The following RANBP2 variants were observed in gnomAD, a reference collection of about 807,000 sequenced individuals.
RANBP2 encodes the protein E3 SUMO-protein ligase RanBP2.
Under a neutral mutation model 303.6 loss-of-function variants are expected in RANBP2, and 57 were observed. The observed-to-expected ratio is 0.19, with a 90% CI of 0.15 to 0.23. The LOEUF is 0.23. RANBP2 is among the 10% of genes least tolerant of loss of function. The pLI is 1.00. For missense variants in RANBP2, 3,138 were observed against 3,780.8 expected, an observed-to-expected ratio of 0.83 and a Z score of 4.46; for synonymous variants, 1,167 against 1,301.5, an observed-to-expected ratio of 0.90 and a Z score of 2.23.
chr2:108,832,188 C>T, the RANBP2 span, among the ~76,000 whole-genome samples: 6 of 151,778 alleles, frequency 4.0e-5, no homozygotes, highest in South Asian at 1.2e-3. Context: ...CGCCATCACA[C>T]CTGGCTAATT....
At chr2:108,724,257 G>C (rs1694517854) in intron 1 of RANBP2, among the ~76,000 whole-genome samples, 1 of 152,098 alleles carries the variant, frequency 6.6e-6, no homozygotes, top group African/African-American at 2.4e-5. Context: ...CCGCCTCCCG[G>C]GTTCAAGCGA....
the RANBP2 span, among the ~76,000 whole-genome samples, chr2:109,234,181 C>T: frequency 6.6e-6 from 1 of 152,120 alleles, no homozygotes; most frequent in African/African-American, 2.4e-5. Flanking sequence ...GTATTTTAAT[C>T]AATAATAGGC....
At chr2:109,707,849 A>G in the RANBP2 span, among the ~76,000 whole-genome samples, 1 of 152,236 alleles carries the variant, frequency 6.6e-6, no homozygotes, top group Non-Finnish European at 1.5e-5. Context: ...GATGTAAATA[A>G]AAAAATGCAG....
In RANBP2 at chr2:108,748,314, TCTC is replaced by T. The variant is rs1195446278; in HGVS notation, c.1064-601_1064-599del. 2.0e-5 allele frequency among the ~76,000 whole-genome samples: 3 copies of T among 151,610 alleles called. No homozygotes were observed. In the South Asian group the frequency reaches 6.3e-4, roughly 32 times the overall value. ...GCTCCACCTCCTGGGTTCATGCCAT[TCTC>T]CTCCCTCAGCCTCCCCAGTAGCTGG... On this transcript the variant is annotated intron_variant, in intron 8 of 28. Transcript: ENST00000283195.
the RANBP2 span, among the ~76,000 whole-genome samples, chr2:109,331,899 C>T: frequency 6.6e-6 from 1 of 152,188 alleles, no homozygotes; most frequent in Non-Finnish European, 1.5e-5. Flanking sequence ...AGCTGCAGTC[C>T]ACTGCCTCTC....
At chr2:108,846,316 A>G in the RANBP2 span, among the ~76,000 whole-genome samples, 23 of 152,344 alleles carry the variant, frequency 1.5e-4, no homozygotes, top group African/African-American at 5.1e-4. Flanking sequence ...CCAATTTTAC[A>G]TATTTTCAAC....
the RANBP2 span, among the ~76,000 whole-genome samples, chr2:109,735,780 A>G: frequency 6.6e-6 from 1 of 152,218 alleles, no homozygotes; most frequent in Non-Finnish European, 1.5e-5. Context: ...TAATCACAGT[A>G]AGAGACATTG....
At chr2:109,129,061 G>T in the RANBP2 span, 7 of 383,018 alleles carry the variant, frequency 1.8e-5, no homozygotes, top group African/African-American at 4.4e-5. Flanking sequence ...GGCCAGGGGC[G>T]CATGGAGGTG....
At chr2:109,578,562 T>C in the RANBP2 span, among the ~76,000 whole-genome samples, 2 of 151,744 alleles carry the variant, frequency 1.3e-5, no homozygotes, top group African/African-American at 4.8e-5. Flanking sequence ...AGGTCAGGAG[T>C]TCGAGGCCAG....
chr2:108,985,431 C>T, the RANBP2 span, among the ~76,000 whole-genome samples: 1 of 152,258 alleles, frequency 6.6e-6, no homozygotes, highest in Non-Finnish European at 1.5e-5. Flanking sequence ...GTGGTGCAGG[C>T]AGGGCTACCG....
chr2:109,378,733 C>T, the RANBP2 span, among the ~76,000 whole-genome samples: 44 of 152,298 alleles, frequency 2.9e-4, no homozygotes, highest in Middle Eastern at 3.4e-3. Context: ...AGGCTATAAC[C>T]TTCTCTACTC....
At chr2:109,078,095 TATA>T in the RANBP2 span, among the ~76,000 whole-genome samples, 1 of 53,550 alleles carries the variant, frequency 1.9e-5, no homozygotes, top group Admixed American at 2.1e-4. Flanking sequence ...TATATATATA[TATA>T]TATATATATA....
chr2:109,429,208 G>T, the RANBP2 span, among the ~76,000 whole-genome samples: 1 of 152,174 alleles, frequency 6.6e-6, no homozygotes, highest in Non-Finnish European at 1.5e-5. Context: ...GACAGCAGAT[G>T]CAGTTGACCC....
chr2:108,737,348 T>A (rs1695675800), intron 6 of RANBP2, among the ~76,000 whole-genome samples: 1 of 129,400 alleles, frequency 7.7e-6, no homozygotes, highest in Non-Finnish European at 1.6e-5. Flanking sequence ...TTTTTTTTTT[T>A]TGTTTTTTTG....
In RANBP2 at chr2:108,768,171, G is replaced by C; in HGVS notation, c.7632G>C (p.Leu2544Phe). ...GCAACAGTTCAGCCACTGGGTCTTT[G>C]TTTGGATTTAGTTTTAATGCACCTT... ...AFGNSSATGS[L>F]FGFSFNAPLK... is the part of the protein sequence containing the mutation. The change falls in exon 20 of 29, where the codon TTG (leucine) becomes TTC (phenylalanine). Residue 2544 changes from leucine (L) to phenylalanine (F), a missense_variant. By Grantham distance (22) the Leu-to-Phe change is conservative (BLOSUM62 0). Coordinates refer to ENST00000283195, the MANE Select transcript of RANBP2 (RefSeq NM_006267.5). The C allele has an allele frequency of 6.2e-7, 1 of 1,612,022 alleles. No homozygotes were observed.
the RANBP2 span, among the ~76,000 whole-genome samples, chr2:109,059,144 T>A: frequency 6.6e-6 from 1 of 152,170 alleles, no homozygotes; most frequent in Non-Finnish European, 1.5e-5. Context: ...AGCTTGGACC[T>A]GCTGGCAGGT....
chr2:108,755,337 A>G, intron 17 of RANBP2, 78 bp downstream of exon 17: 1 of 1,602,722 alleles, frequency 6.2e-7, no homozygotes, highest in South Asian at 1.1e-5. Flanking sequence ...TTTTTTCTGA[A>G]GCTGGTCAGA....
At chr2:108,774,648 TTTCTC>T (rs1013433740) in intron 23 of RANBP2, among the ~76,000 whole-genome samples, 7 of 152,068 alleles carry the variant, frequency 4.6e-5, no homozygotes, top group Non-Finnish European at 1.5e-5. Flanking sequence ...ACACTATTGA[TTTCTC>T]TTCTTTATTA....
At chr2:109,021,464 A>G in the RANBP2 span, among the ~76,000 whole-genome samples, 3 of 149,324 alleles carry the variant, frequency 2.0e-5, no homozygotes, top group Non-Finnish European at 4.4e-5. Context: ...CGGAGCTTTC[A>G]GTGAGCCGAG....
Sources: allele counts gnomAD v4.1 joint callset (sites outside exome capture counted in the v4.1 genomes callset), GRCh38; gene constraint gnomAD v4.1.1; transcripts MANE v1.5; gene names NCBI Gene and HGNC (gene_info 2026-07-23, HGNC 2026-07-21).